Variants in KCNIP4 observed in about 807,000 individuals in gnomAD.
KCNIP4 encodes the protein potassium voltage-gated channel interacting protein 4.
A neutral mutation model predicts 34.0 loss-of-function variants in KCNIP4; 12 were observed. The observed-to-expected ratio is 0.35, with a 90% CI of 0.23 to 0.57. KCNIP4 has a LOEUF of 0.57. Among genes scored for constraint, KCNIP4 ranks in the 20% least tolerant of loss-of-function variants. The probability of loss-of-function intolerance (pLI) is 0.83; values close to 1 mark genes in which losing one functional copy is unlikely to be tolerated. For missense variants in KCNIP4, 238 were observed against 311.7 expected, an observed-to-expected ratio of 0.76 and a Z score of 1.78; for synonymous variants, 124 against 102.2, an observed-to-expected ratio of 1.21 and a Z score of -1.29.
intron 1 of KCNIP4, among the ~76,000 whole-genome samples, chr4:21,405,251 T>A (rs1381495068): frequency 6.6e-6 from 1 of 152,212 alleles, no homozygotes; most frequent in African/African-American, 2.4e-5. Context: ...ATGCCATGTT[T>A]GGAGTTGAGC....
chr4:21,446,270 C>G (rs1293324222), intron 1 of KCNIP4, among the ~76,000 whole-genome samples: 1 of 152,114 alleles, frequency 6.6e-6, no homozygotes, highest in Non-Finnish European at 1.5e-5. Context: ...CATCCCATTA[C>G]TGGGTATATA....
chr4:21,630,881 C>G (rs1467139292), intron 1 of KCNIP4, among the ~76,000 whole-genome samples: 1 of 152,130 alleles, frequency 6.6e-6, no homozygotes, highest in African/African-American at 2.4e-5. Context: ...TTGCTACTCT[C>G]CTCACACCTA....
intron 1 of KCNIP4, among the ~76,000 whole-genome samples, chr4:20,987,740 C>CT (rs1736704749): frequency 6.6e-6 from 1 of 151,958 alleles, no homozygotes; most frequent in Non-Finnish European, 1.5e-5. Flanking sequence ...TGGCTCATGC[C>CT]TGTAATCCCA....
intron 1 of KCNIP4, among the ~76,000 whole-genome samples, chr4:21,255,664 A>T (rs1425331): frequency 0.29 from 44,143 of 149,874 alleles, 6,625 homozygotes; most frequent in Middle Eastern, 0.35. Context: ...AAAAAAACTA[A>T]TTCAGGATGT....
chr4:21,649,865 T>G (rs1419255802), intron 1 of KCNIP4, among the ~76,000 whole-genome samples: 1 of 152,172 alleles, frequency 6.6e-6, no homozygotes, highest in Non-Finnish European at 1.5e-5. Flanking sequence ...GACCTCTAAG[T>G]GTGAATGGGC....
chr4:21,935,952 G>T (rs1729838200), intron 1 of KCNIP4, among the ~76,000 whole-genome samples: 1 of 111,916 alleles, frequency 8.9e-6, no homozygotes, highest in Non-Finnish European at 1.8e-5. Context: ...ATACCCAAAA[G>T]AAATGAAGAT....
chr4:21,107,383 G>A (rs1462873239), intron 1 of KCNIP4, among the ~76,000 whole-genome samples: 1 of 149,348 alleles, frequency 6.7e-6, no homozygotes, highest in African/African-American at 2.5e-5. Context: ...GATCTTTGCT[G>A]GTTTAAAGTC....
intron 1 of KCNIP4, among the ~76,000 whole-genome samples, chr4:21,581,188 A>T (rs886407178): frequency 6.6e-6 from 1 of 152,044 alleles, no homozygotes; most frequent in African/African-American, 2.4e-5. Flanking sequence ...ACAAAATGAA[A>T]ACAAGCACCT....
chr4:20,957,674 C>T (rs926304225), intron 1 of KCNIP4, among the ~76,000 whole-genome samples: 3 of 152,054 alleles, frequency 2.0e-5, no homozygotes, highest in African/African-American at 7.2e-5. Flanking sequence ...ACGAGCTGTG[C>T]TTTATCTGCC....
intron 1 of KCNIP4, among the ~76,000 whole-genome samples, chr4:21,067,224 C>T (rs73245226): frequency 0.044 from 6,723 of 152,164 alleles, 226 homozygotes; most frequent in East Asian, 0.13. Context: ...CTAAAGAACC[C>T]TTGGGCCCTG....
Position 21,226,110 on chromosome 4 carries a change from TG to T in KCNIP4, c.62-343402del, listed in dbSNP as rs201577671. ...TGCCTCACTGTAGAGATGAAGAGAC[TG>T]ATCTATGGTTGCATGAGATTTGCAA... On this transcript the variant is annotated intron_variant, in intron 1 of 8. Transcript: ENST00000382152. 9.3e-3 allele frequency among the ~76,000 whole-genome samples: 1,414 copies of T among 151,714 alleles called. 25 individuals are homozygous for T. Among genetic ancestry groups the T allele is most frequent in the African/African-American group, 0.032 (1,338 of 41,312 alleles).
chr4:21,139,705 C>T (rs1751790955), intron 1 of KCNIP4, among the ~76,000 whole-genome samples: 1 of 149,914 alleles, frequency 6.7e-6, no homozygotes, highest in Non-Finnish European at 1.5e-5. Context: ...TGAAACACAG[C>T]TCAACTTCTT....
At chr4:21,359,342 T>A (rs1429561788) in intron 1 of KCNIP4, among the ~76,000 whole-genome samples, 2 of 152,118 alleles carry the variant, frequency 1.3e-5, no homozygotes, top group Non-Finnish European at 2.9e-5. Context: ...AGCTTGCAGA[T>A]AGCAGATTGT....
chr4:21,901,810 TA>T (rs1727719196), intron 1 of KCNIP4, among the ~76,000 whole-genome samples: 1 of 152,022 alleles, frequency 6.6e-6, no homozygotes, highest in African/African-American at 2.4e-5. Context: ...AGAGACAATA[TA>T]AAAATGCAAA....
chr4:21,480,086 G>A (rs1731300474), intron 1 of KCNIP4, among the ~76,000 whole-genome samples: 1 of 151,384 alleles, frequency 6.6e-6, no homozygotes, highest in Non-Finnish European at 1.5e-5. Flanking sequence ...TAATCACATT[G>A]ACTAAGAAGT....
chr4:21,874,269 G>C (rs765023946), intron 1 of KCNIP4, among the ~76,000 whole-genome samples: 4 of 152,190 alleles, frequency 2.6e-5, no homozygotes, highest in Middle Eastern at 3.2e-3. Context: ...AATTCTTACT[G>C]TTCCCTCCTT....
intron 1 of KCNIP4, among the ~76,000 whole-genome samples, chr4:21,441,767 T>C (rs1430772653): frequency 6.6e-6 from 1 of 152,200 alleles, no homozygotes; most frequent in African/African-American, 2.4e-5. Context: ...GTCATTTTAA[T>C]AAAAGTCTAG....
Position 21,339,376 on chromosome 4 carries a change from C to T in KCNIP4, c.62-456667G>A, listed in dbSNP as rs190663070. Among the ~76,000 whole-genome samples, 14 of 152,254 alleles carry T rather than the reference C, an allele frequency of 9.2e-5. No individual in the cohort carries two copies. The South Asian group carries it at 1.2e-3, about 14-fold the overall frequency. On this transcript the variant is annotated intron_variant, in intron 1 of 8. Coordinates refer to ENST00000382152, the MANE Select transcript of KCNIP4 (RefSeq NM_025221.6). ...GACAGGTGGAATGATACAGTTTAGA[C>T]GTAGGATATGGAAAGGCACTTACTA...
chr4:21,514,380 T>G (rs1421183826), intron 1 of KCNIP4, among the ~76,000 whole-genome samples: 1 of 152,156 alleles, frequency 6.6e-6, no homozygotes, highest in Non-Finnish European at 1.5e-5. Context: ...GCTACAAGCC[T>G]AATGTTTTTC....
Sources: gnomAD v4.1 joint callset for allele counts (sites outside exome capture counted in the v4.1 genomes callset) on GRCh38, gnomAD v4.1.1 for gene constraint, MANE v1.5 for transcripts, NCBI Gene and HGNC (gene_info 2026-07-23, HGNC 2026-07-21) for gene names.